IQSEC1: variants seen among roughly 807,000 people sequenced by gnomAD.
The protein encoded by IQSEC1 is IQ motif and Sec7 domain ArfGEF 1.
Under a neutral mutation model 91.0 loss-of-function variants are expected in IQSEC1, and 31 were observed. That is an observed-to-expected ratio of 0.34 (90% confidence interval 0.26 to 0.46). The LOEUF is 0.46. Among genes scored for constraint, IQSEC1 ranks in the 20% least tolerant of loss-of-function variants. IQSEC1 has a pLI of 1.00. For synonymous variants in IQSEC1, 699 were observed against 662.6 expected (o/e 1.05, Z -0.84); for missense variants, 1,388 against 1,575.6 (o/e 0.88, Z 2.02).
At chr3:13,246,840 C>T (rs1377995752) in intron 1 of IQSEC1, among the ~76,000 whole-genome samples, 1 of 152,162 alleles carries the variant, frequency 6.6e-6, no homozygotes, top group Non-Finnish European at 1.5e-5. Flanking sequence ...ATGAGCCCTG[C>T]CACCCTTCCT....
chr3:13,033,586 G>A (rs535178618), intron 1 of IQSEC1, among the ~76,000 whole-genome samples: 6 of 152,102 alleles, frequency 3.9e-5, no homozygotes, highest in Admixed American at 1.3e-4. Flanking sequence ...AGACTGACAC[G>A]TCTCAAGATC....
chr3:13,129,162 A>T lies in IQSEC1; in HGVS notation c.302+34942T>A, dbSNP rs191381386. On this transcript the variant is annotated intron_variant, in intron 2 of 15. Transcript: ENST00000648114. ...ACTACAATTTCAATTTGTTTGATAT[A>T]AAGCTATTTAGGCTATCTATTTACT... Among the ~76,000 whole-genome samples, 208 of 152,334 alleles carry T rather than the reference A, an allele frequency of 1.4e-3. 1 individual carries two copies. Among genetic ancestry groups the T allele is most frequent in the African/African-American group, 4.9e-3 (205 of 41,578 alleles).
chr3:13,277,106 T>TAAAAAAAAAAAAAA (rs4034193), intron 1 of IQSEC1, among the ~76,000 whole-genome samples: 23 of 35,992 alleles, frequency 6.4e-4, no homozygotes, highest in African/African-American at 8.0e-4. Flanking sequence ...TGCTCCTCCT[T>TAAAAAAAAAAAAAA]AAAAAAAAAA....
chr3:13,070,023 C>A (rs1476992773), intron 1 of IQSEC1, among the ~76,000 whole-genome samples: 1 of 151,888 alleles, frequency 6.6e-6, no homozygotes. Flanking sequence ...TTCCATAAAG[C>A]TCCCTTGGGT....
intron 1 of IQSEC1, among the ~76,000 whole-genome samples, chr3:13,230,630 A>G (rs1694825583): frequency 6.6e-6 from 1 of 151,976 alleles, no homozygotes; most frequent in African/African-American, 2.4e-5. Flanking sequence ...GCTGTGTTTC[A>G]TCACCTGTTA....
intron 2 of IQSEC1, among the ~76,000 whole-genome samples, chr3:13,119,920 C>T (rs1706396618): frequency 6.6e-6 from 1 of 152,170 alleles, no homozygotes; most frequent in South Asian, 2.1e-4. Flanking sequence ...CTCACTCAGC[C>T]CTGGGCAATC....
intron 2 of IQSEC1, among the ~76,000 whole-genome samples, chr3:13,080,090 C>T (rs939642464): frequency 6.6e-6 from 1 of 152,208 alleles, no homozygotes; most frequent in Non-Finnish European, 1.5e-5. Context: ...AGTCATGAGA[C>T]AACCTGCCAG....
intron 3 of IQSEC1, among the ~76,000 whole-genome samples, chr3:12,933,608 G>A (rs1306356745): frequency 6.6e-6 from 1 of 150,642 alleles, no homozygotes; most frequent in Non-Finnish European, 1.5e-5. Context: ...TCACAGATGC[G>A]GCCACTGTGG....
chr3:13,045,037 G>A (rs1332511842), intron 1 of IQSEC1, among the ~76,000 whole-genome samples: 1 of 152,250 alleles, frequency 6.6e-6, no homozygotes, highest in Non-Finnish European at 1.5e-5. Flanking sequence ...GCTGCTGTGA[G>A]GGTTGGGAGT....
chr3:13,203,638 T>G (rs1373480915), intron 1 of IQSEC1, among the ~76,000 whole-genome samples: 1 of 152,170 alleles, frequency 6.6e-6, no homozygotes, highest in Non-Finnish European at 1.5e-5. Context: ...ACACTGCGCT[T>G]GCAGTACCCT....
rs937173408 is a variant in IQSEC1, at chr3:12,897,164, A to G, written c.*3819T>C. On this transcript the variant is annotated 3_prime_UTR_variant, in exon 14 of 14. Coordinates refer to ENST00000613206, the MANE Select transcript of IQSEC1 (RefSeq NM_001134382.3). ...TAATGGGGAAACTCATCAGCTGGAG[A>G]TCTGGGTCTGGCCAACAGGGCAACT... 1 of 152,236 alleles carries G rather than the reference A, an allele frequency of 6.6e-6. No homozygotes were observed. Among genetic ancestry groups the G allele is most frequent in the South Asian group, 2.1e-4 (1 of 4,834 alleles). The allele number at this position is 152,236 out of a possible 1,614,324, so 9.4% of individuals were successfully genotyped here.
chr3:13,171,363 G>A (rs1559269431), intron 1 of IQSEC1, among the ~76,000 whole-genome samples: 1 of 152,170 alleles, frequency 6.6e-6, no homozygotes, highest in Non-Finnish European at 1.5e-5. Flanking sequence ...TTTCCTGGGA[G>A]GCTACAGAGG....
At chr3:13,087,290 C>G (rs970774223) in intron 2 of IQSEC1, among the ~76,000 whole-genome samples, 1 of 152,226 alleles carries the variant, frequency 6.6e-6, no homozygotes, top group Non-Finnish European at 1.5e-5. Context: ...TTTTAAAGAG[C>G]TCCCAAATTC....
At chr3:13,196,749 CGTGTGTGTGT>C (rs5846802) in intron 1 of IQSEC1, among the ~76,000 whole-genome samples, 58,954 of 148,390 alleles carry the variant, frequency 0.4, 11,587 homozygotes, top group Admixed American at 0.44. Context: ...CATGTGTGTG[CGTGTGTGTGT>C]GTGTGTGTGT....
At chr3:13,208,841 G>A (rs4684122) in intron 1 of IQSEC1, among the ~76,000 whole-genome samples, 50,194 of 152,092 alleles carry the variant, frequency 0.33, 8,331 homozygotes, top group South Asian at 0.38. Flanking sequence ...GCACCCCTGC[G>A]TGCTCACTGC....
chr3:13,191,673 T>TTTAA (rs1694035972), intron 1 of IQSEC1, among the ~76,000 whole-genome samples: 1 of 152,192 alleles, frequency 6.6e-6, no homozygotes, highest in South Asian at 2.1e-4. Context: ...TCTTATTTCT[T>TTTAA]AGATAAGAAA....
chr3:12,911,806 C>A (rs1330986639), intron 9 of IQSEC1, 78 bp from the exon 10 acceptor site: 4 of 986,564 alleles, frequency 4.1e-6, no homozygotes, highest in Non-Finnish European at 6.4e-6. Context: ...GTCAGAGGAT[C>A]CTCCTGGAGT....
chr3:13,227,970 T>C (rs1220020983), intron 1 of IQSEC1, among the ~76,000 whole-genome samples: 1 of 152,170 alleles, frequency 6.6e-6, no homozygotes, highest in Admixed American at 6.5e-5. Flanking sequence ...CCCAGCAGCC[T>C]GGCCTCAGTT....
At chr3:13,272,365 C>T (rs1695603266) in intron 1 of IQSEC1, among the ~76,000 whole-genome samples, 1 of 152,238 alleles carries the variant, frequency 6.6e-6, no homozygotes, top group Non-Finnish European at 1.5e-5. Flanking sequence ...CATTCCATCC[C>T]TAGGTGAGAG....
Sources: gnomAD v4.1 joint callset for allele counts (sites outside exome capture counted in the v4.1 genomes callset) on GRCh38, gnomAD v4.1.1 for gene constraint, MANE v1.5 for transcripts, NCBI Gene and HGNC (gene_info 2026-07-23, HGNC 2026-07-21) for gene names.